ADAMTS16: variants seen among roughly 807,000 people sequenced by gnomAD.
ADAMTS16 encodes the protein ADAM metallopeptidase with thrombospondin type 1 motif 16.
In ADAMTS16, 94 loss-of-function variants were observed where a neutral mutation model predicts 145.8. The ratio of observed to expected loss-of-function variants is 0.64; its 90% CI spans 0.55 to 0.77. The LOEUF (loss-of-function observed/expected upper bound fraction) is 0.77, where lower values mean the gene tolerates loss of function less well. Ranked by LOEUF, ADAMTS16 falls within the 30% of genes least tolerant of loss-of-function variation. The probability of loss-of-function intolerance (pLI) is 0.00; values close to 1 mark genes in which losing one functional copy is unlikely to be tolerated. For missense variants in ADAMTS16, 1,585 were observed against 1,591.5 expected, an observed-to-expected ratio of 1.00 and a Z score of 0.07; for synonymous variants, 659 against 604.3, an observed-to-expected ratio of 1.09 and a Z score of -1.33.
intron 10 of ADAMTS16, among the ~76,000 whole-genome samples, chr5:5,211,395 GAT>G (rs1237279448): frequency 6.6e-6 from 1 of 152,076 alleles, no homozygotes; most frequent in African/African-American, 2.4e-5. Flanking sequence ...GATCTATAAT[GAT>G]ATATCCCCTT....
rs750965156 is a variant in ADAMTS16 at position 5,182,301 on chromosome 5, G to A, written c.759G>A (p.Lys253=). The change falls in exon 4 of 23, where the codon AAG becomes AAA. Residue 253 remains lysine (K), a synonymous_variant. Transcript: ENST00000274181. ...AGCAGCATTTCTGTGGAAGACGCAA[G>A]AAATGTATGTAAGGGCGAATCTTTG... The part of the protein sequence containing the change: ...PQKQHFCGRR[K]KYMPQPPKED... 9 of 1,611,516 alleles carry A rather than the reference G, an allele frequency of 5.6e-6. No homozygotes were observed. Among genetic ancestry groups the A allele is most frequent in the Non-Finnish European group, 5.9e-6 (7 of 1,178,044 alleles).
intron 10 of ADAMTS16, among the ~76,000 whole-genome samples, chr5:5,219,881 C>A (rs1053493670): frequency 2.0e-5 from 3 of 152,186 alleles, no homozygotes; most frequent in Admixed American, 6.5e-5. Flanking sequence ...ATTTATTCTG[C>A]AAAATGCTCC....
Position 5,238,707 on chromosome 5 carries a change from T to A in ADAMTS16, c.2155-444T>A, listed in dbSNP as rs149657889. ...AGGAAGTGAATAAACATGCCCTTTA[T>A]GTAATTACTACTGAGGAGAATTTCT... On this transcript the variant is annotated intron_variant, in intron 14 of 22. Coordinates refer to ENST00000274181, the MANE Select transcript of ADAMTS16 (RefSeq NM_139056.4). 4.4e-3 allele frequency among the ~76,000 whole-genome samples: 674 copies of A among 152,364 alleles called. 4 individuals carry two copies. Among genetic ancestry groups the A allele is most frequent in the African/African-American group, 0.015 (638 of 41,580 alleles).
intron 21 of ADAMTS16, among the ~76,000 whole-genome samples, chr5:5,309,031 G>A (rs1012693584): frequency 2.6e-5 from 4 of 151,188 alleles, no homozygotes; most frequent in Non-Finnish European, 1.5e-5. Flanking sequence ...GTTATGCTAT[G>A]TGTTTTACAT....
intron 10 of ADAMTS16, among the ~76,000 whole-genome samples, chr5:5,212,189 G>GTTTTTTTTTTT (rs200419820): frequency 8.1e-5 from 8 of 98,718 alleles, no homozygotes; most frequent in South Asian, 4.0e-4. Context: ...TAGTTTCTGG[G>GTTTTTTTTTTT]GTTTTTTTTG....
At chr5:5,160,114 C>T (rs896971751) in intron 3 of ADAMTS16, among the ~76,000 whole-genome samples, 1 of 152,120 alleles carries the variant, frequency 6.6e-6, no homozygotes, top group African/African-American at 2.4e-5. Flanking sequence ...GTGTAGAAGA[C>T]TTGGGTGAGT....
In ADAMTS16 at chr5:5,320,035, C is replaced by A; in HGVS notation, c.*897C>A. On this transcript the variant is annotated 3_prime_UTR_variant, in exon 23 of 23. Transcript: ENST00000274181. This position sits in a 1 kb window ranked among gnomAD's most constrained non-coding sequence, Gnocchi z 5.1. ...GACGTCAGCCACACAGCCTATGTGA[C>A]AATAACCTTAGAGTCCTGTGTTTTG... 2.4e-6 allele frequency: 1 copy of A among 416,680 alleles called. No individual in the cohort carries two copies. The highest frequency in any genetic ancestry group is 1.8e-5 in the South Asian group (1 of 57,084). 25.8% of individuals were successfully genotyped at this position (416,680 alleles called of 1,614,324 possible).
chr5:5,175,816 A>C (rs1735177338), intron 3 of ADAMTS16, among the ~76,000 whole-genome samples: 2 of 152,110 alleles, frequency 1.3e-5, no homozygotes, highest in African/African-American at 4.8e-5. Context: ...GCCAAGTCCC[A>C]TGATCGCTGT....
In ADAMTS16 at chr5:5,140,430, AC is replaced by A. The variant is rs1404794060; in HGVS notation, c.-35del. 6 of 1,487,488 alleles carry A rather than the reference AC, an allele frequency of 4.0e-6. No homozygotes were observed. Among genetic ancestry groups the A allele is most frequent in the Non-Finnish European group, 5.3e-6 (6 of 1,126,586 alleles). 92.1% of individuals were successfully genotyped at this position (1,487,488 alleles called of 1,614,324 possible). A position where few individuals can be genotyped will look rare whatever the true frequency, so the allele number is the denominator to read the frequency against. ...CCCGCTCGCACGCTGCCGGCCGGGG[AC>A]CCTCCGGTGGCCCCTAGCCCCTCGG... On this transcript the variant is annotated 5_prime_UTR_variant, in exon 1 of 23. Transcript: ENST00000274181.
At chr5:5,267,107 C>T (rs866213728) in intron 18 of ADAMTS16, among the ~76,000 whole-genome samples, 3 of 152,220 alleles carry the variant, frequency 2.0e-5, no homozygotes, top group South Asian at 2.1e-4. Context: ...GCGATGAGGG[C>T]GTGGCTTACT....
chr5:5,148,897 G>A (rs1308620882), intron 3 of ADAMTS16, among the ~76,000 whole-genome samples: 3 of 152,106 alleles, frequency 2.0e-5, no homozygotes, highest in Non-Finnish European at 4.4e-5. Context: ...CCCAGAGGAG[G>A]ATGCCTCTGC....
intron 2 of ADAMTS16, among the ~76,000 whole-genome samples, chr5:5,141,581 A>G (rs991072055): frequency 2.6e-5 from 4 of 152,232 alleles, no homozygotes; most frequent in African/African-American, 9.6e-5. Context: ...ATTGTTACCA[A>G]CAATAAATTG....
intron 3 of ADAMTS16, among the ~76,000 whole-genome samples, chr5:5,163,323 T>C (rs1049854718): frequency 6.6e-6 from 1 of 152,228 alleles, no homozygotes; most frequent in Admixed American, 6.5e-5. Context: ...CTGCTTTGGT[T>C]TGGCTGTGTC....
intron 3 of ADAMTS16, among the ~76,000 whole-genome samples, chr5:5,148,716 T>C (rs1734366870): frequency 6.6e-6 from 1 of 152,210 alleles, no homozygotes; most frequent in Admixed American, 6.5e-5. Context: ...CATAATACAT[T>C]AAATCTCATG....
In ADAMTS16 at chr5:5,140,435, C is replaced by A. The variant is rs777022071; in HGVS notation, c.-33C>A. 12 of 1,491,820 alleles carry A rather than the reference C, an allele frequency of 8.0e-6. No homozygotes were observed. In the Admixed American group the frequency reaches 2.4e-4, roughly 30 times the overall value. 92.4% of individuals were successfully genotyped at this position (1,491,820 alleles called of 1,614,324 possible). On this transcript the variant is annotated 5_prime_UTR_variant, in exon 1 of 23. Coordinates refer to ENST00000274181, the MANE Select transcript of ADAMTS16 (RefSeq NM_139056.4). ...TCGCACGCTGCCGGCCGGGGACCCT[C>A]CGGTGGCCCCTAGCCCCTCGGAGCG...
At position 5,303,405 on chromosome 5, in the gene ADAMTS16, C is replaced by T. The variant is rs1422276064; in HGVS notation, c.2927C>T (p.Ser976Phe). The T allele has an allele frequency of 1.2e-6, 2 of 1,607,268 alleles. No individual in the cohort carries two copies. The highest frequency in any genetic ancestry group is 2.2e-5 in the East Asian group (1 of 44,642). The change falls in exon 19 of 23, where the codon TCC becomes TTC. Residue 976 changes from serine (S) to phenylalanine (F), a missense_variant. Ser to Phe is a radical substitution (Grantham distance 155). This residue lies in a region of ADAMTS16 where 834 missense variants were observed against 811.7 expected (regional missense o/e 1.03). Transcript: ENST00000274181. ...AGCCTGTGCCCTCAGCCTGCTCCCT[C>T]CAGCAGGCAGGCCTGCAACTCTCAG... ...PASLCPQPAP[S>F]SRQACNSQSC...
intron 21 of ADAMTS16, among the ~76,000 whole-genome samples, chr5:5,309,729 C>G (rs4702259): frequency 0.49 from 74,595 of 151,424 alleles, 18,506 homozygotes; most frequent in East Asian, 0.59. Flanking sequence ...GGCTGCTGAC[C>G]CATGATGCAA....
rs1229561430 is a variant in ADAMTS16 at position 5,220,442 on chromosome 5, G to A, written c.1606-2347G>A. On this transcript the variant is annotated intron_variant, in intron 10 of 22. Transcript: ENST00000274181. Reference sequence around the variant, plus strand: ...CAAAGTGCTGGGATTACAGGTGTGAGCCACCGCGCCCGGCCAATAATTTAA... The same window carrying A: ...CAAAGTGCTGGGATTACAGGTGTGAACCACCGCGCCCGGCCAATAATTTAA... Among the ~76,000 whole-genome samples the A allele has an allele frequency of 2.6e-5, 4 of 151,914 alleles. No individual in the cohort carries two copies. The East Asian group carries it at 5.9e-4, about 22-fold the overall frequency.
chr5:5,272,625 A>T (rs937445006), intron 18 of ADAMTS16, among the ~76,000 whole-genome samples: 3 of 151,984 alleles, frequency 2.0e-5, no homozygotes, highest in Non-Finnish European at 4.4e-5. Flanking sequence ...TCGGCCTCCC[A>T]AAGTGCTGGG....
Sources: gnomAD v4.1 joint callset for allele counts (sites outside exome capture counted in the v4.1 genomes callset) on GRCh38, gnomAD v4.1.1 for gene constraint, gnomAD v4.1.1 regional missense constraint, Gnocchi (gnomAD v3.1) non-coding constraint, MANE v1.5 for transcripts, NCBI Gene and HGNC (gene_info 2026-07-23, HGNC 2026-07-21) for gene names.